The following ATRNL1 variants were observed in gnomAD, a reference collection of about 807,000 sequenced individuals.
ATRNL1 encodes the protein attractin-like protein 1.
In ATRNL1, 95 loss-of-function variants were observed where a neutral mutation model predicts 182.7. The ratio of observed to expected loss-of-function variants is 0.52; its 90% CI spans 0.44 to 0.62. The LOEUF (loss-of-function observed/expected upper bound fraction) is 0.62, where lower values mean the gene tolerates loss of function less well. ATRNL1 is among the 20% of genes least tolerant of loss of function. ATRNL1 has a pLI of 0.00. For missense variants in ATRNL1, 1,471 were observed against 1,679.5 expected, an observed-to-expected ratio of 0.88 and a Z score of 2.17; for synonymous variants, 576 against 568.3, an observed-to-expected ratio of 1.01 and a Z score of -0.19.
At chr10:115,475,776 A>G (rs539167216) in intron 24 of ATRNL1, among the ~76,000 whole-genome samples, 77 of 151,462 alleles carry the variant, frequency 5.1e-4, no homozygotes, top group African/African-American at 1.8e-3. Flanking sequence ...CGTCAACGTC[A>G]TTGGTATTTA....
chr10:115,365,571 T>C lies in ATRNL1; in HGVS notation c.3176-29088T>C, dbSNP rs562393406. Among the ~76,000 whole-genome samples, 107 of 152,316 alleles carry C rather than the reference T, an allele frequency of 7.0e-4. 2 individuals carry two copies. In the South Asian group the frequency reaches 0.022, roughly 31 times the overall value. ...TTCTTGCCTTCTGCTAGCTTTAGAA[T>C]GTGTTTGCCCTTGCTTTTCTAGTTC... On this transcript the variant is annotated intron_variant, in intron 19 of 28. Coordinates refer to ENST00000355044, the MANE Select transcript of ATRNL1 (RefSeq NM_207303.4).
chr10:115,596,117 T>C (rs1420501149), intron 26 of ATRNL1, among the ~76,000 whole-genome samples: 1 of 152,174 alleles, frequency 6.6e-6, no homozygotes, highest in African/African-American at 2.4e-5. Flanking sequence ...CATTATTCTT[T>C]TTTTTGAGAC....
At chr10:115,151,644 A>G (rs1215851944) in intron 5 of ATRNL1, among the ~76,000 whole-genome samples, 3 of 152,166 alleles carry the variant, frequency 2.0e-5, no homozygotes, top group Non-Finnish European at 4.4e-5. Flanking sequence ...GTACATTGCA[A>G]AAACTTTCTC....
intron 26 of ATRNL1, among the ~76,000 whole-genome samples, chr10:115,564,309 A>G (rs925874512): frequency 1.1e-4 from 16 of 152,006 alleles, no homozygotes; most frequent in African/African-American, 3.9e-4. Context: ...ATATTGTAAC[A>G]ATTATGAAGC....
In ATRNL1 at chr10:115,234,831, C is replaced by T. The variant is rs546273535; in HGVS notation, c.1533-6740C>T. ...CTCGAACTCCTGAGGTCAAGCCATCCGCCCGCCTTGGCCTCCCAAAGTGCT... is the reference window on the plus strand; with the variant it reads ...CTCGAACTCCTGAGGTCAAGCCATCTGCCCGCCTTGGCCTCCCAAAGTGCT... On this transcript the variant is annotated intron_variant, in intron 9 of 28. Transcript: ENST00000355044. Among the ~76,000 whole-genome samples, 42 of 152,106 alleles carry T rather than the reference C, an allele frequency of 2.8e-4. 1 individual carries two copies. The highest frequency in any genetic ancestry group is 1.0e-3 in the African/African-American group (42 of 41,530).
At chr10:115,186,192 A>G (rs1282217731) in intron 8 of ATRNL1, among the ~76,000 whole-genome samples, 7 of 151,528 alleles carry the variant, frequency 4.6e-5, no homozygotes, top group Admixed American at 4.6e-4. Flanking sequence ...TTCTCAAAGA[A>G]GACATACAAA....
chr10:115,495,927 A>G (rs1397617584), intron 24 of ATRNL1, among the ~76,000 whole-genome samples: 3 of 152,178 alleles, frequency 2.0e-5, no homozygotes, highest in Non-Finnish European at 4.4e-5. Flanking sequence ...GGATGTTGAC[A>G]TCACCCACTA....
At chr10:115,886,434 A>C (rs1175626505) in intron 28 of ATRNL1, among the ~76,000 whole-genome samples, 2 of 152,206 alleles carry the variant, frequency 1.3e-5, no homozygotes, top group Admixed American at 1.3e-4. Flanking sequence ...GAATCGCTTG[A>C]ACCCGTGAGG....
intron 24 of ATRNL1, among the ~76,000 whole-genome samples, chr10:115,496,728 T>C (rs2133613467): frequency 6.6e-6 from 1 of 152,334 alleles, no homozygotes; most frequent in Admixed American, 6.5e-5. Context: ...GCTCCCAGTC[T>C]GTTCTGGCTT....
At chr10:115,107,706 A>C (rs1437408864) in intron 1 of ATRNL1, among the ~76,000 whole-genome samples, 1 of 152,248 alleles carries the variant, frequency 6.6e-6, no homozygotes, top group East Asian at 1.9e-4. Flanking sequence ...AGGTAGCCGC[A>C]TCTCCACAAC....
intron 26 of ATRNL1, among the ~76,000 whole-genome samples, chr10:115,722,483 T>C (rs1947460689): frequency 6.6e-6 from 1 of 152,188 alleles, no homozygotes; most frequent in South Asian, 2.1e-4. Context: ...CTAAAAGTTC[T>C]TGCCACTTCT....
At chr10:115,367,943 T>G (rs1554946605) in intron 19 of ATRNL1, among the ~76,000 whole-genome samples, 2 of 151,472 alleles carry the variant, frequency 1.3e-5, no homozygotes, top group African/African-American at 4.9e-5. Flanking sequence ...CAGGGACATT[T>G]AAGTCTGCAG....
At chr10:115,854,540 C>G (rs782732538) in intron 28 of ATRNL1, among the ~76,000 whole-genome samples, 8 of 152,186 alleles carry the variant, frequency 5.3e-5, no homozygotes, top group Non-Finnish European at 7.3e-5. Context: ...AGCTAACTGC[C>G]GATCCTGTGG....
At chr10:115,785,387 G>A (rs75093320) in intron 27 of ATRNL1, among the ~76,000 whole-genome samples, 12,510 of 152,118 alleles carry the variant, frequency 0.082, 1,596 homozygotes, top group African/African-American at 0.27. Context: ...CTCTTCATCC[G>A]TGGCTCCACC....
At chr10:115,445,412 C>T (rs1461680593) in intron 21 of ATRNL1, among the ~76,000 whole-genome samples, 1 of 108,652 alleles carries the variant, frequency 9.2e-6, no homozygotes, top group Non-Finnish European at 1.7e-5. Context: ...GCCTGGGTGA[C>T]AGAGTGAGAT....
At chr10:115,804,998 T>G (rs1173447209) in intron 27 of ATRNL1, among the ~76,000 whole-genome samples, 1 of 152,206 alleles carries the variant, frequency 6.6e-6, no homozygotes, top group Non-Finnish European at 1.5e-5. Flanking sequence ...GCTACATTTG[T>G]GTATTGAGTG....
In ATRNL1 at chr10:115,738,154, T is replaced by TTTTTTTTTTC. The variant is rs71010046; in HGVS notation, c.3903+10801_3903+10802insTTTTTTTCTT. On this transcript the variant is annotated intron_variant, in intron 27 of 28. Transcript: ENST00000355044. The stretch of plus-strand genomic sequence containing the variant: ...TTTTTTTTTTTTTTTTTTTTTTTTT[T>TTTTTTTTTTC]TTGAGATGGAGTCCTGCTCTGTCGC... 8.6e-4 allele frequency among the ~76,000 whole-genome samples: 55 copies of TTTTTTTTTTC among 63,900 alleles called. 5 individuals are homozygous for TTTTTTTTTTC. Among genetic ancestry groups the TTTTTTTTTTC allele is most frequent in the Admixed American group, 1.4e-3 (5 of 3,696 alleles). The allele number at this position is 63,900 out of a possible 152,430, so 41.9% of individuals were successfully genotyped here. A position where few individuals can be genotyped will look rare whatever the true frequency, so the allele number is the denominator to read the frequency against.
chr10:115,409,794 C>G (rs780749814), intron 20 of ATRNL1, among the ~76,000 whole-genome samples: 1 of 152,078 alleles, frequency 6.6e-6, no homozygotes, highest in Non-Finnish European at 1.5e-5. Flanking sequence ...AACATGTATG[C>G]AAAAATCCTG....
At chr10:115,514,680 C>T (rs1263082198) in intron 24 of ATRNL1, among the ~76,000 whole-genome samples, 1 of 151,840 alleles carries the variant, frequency 6.6e-6, no homozygotes, top group Admixed American at 6.6e-5. Flanking sequence ...ACTACTTATA[C>T]ACCATTTAAA....
Sources: gnomAD v4.1 joint callset for allele counts (sites outside exome capture counted in the v4.1 genomes callset) on GRCh38, gnomAD v4.1.1 for gene constraint, MANE v1.5 for transcripts, NCBI Gene and HGNC (gene_info 2026-07-23, HGNC 2026-07-21) for gene names.